The following FAM151B variants were observed in gnomAD, a reference collection of about 807,000 sequenced individuals.
FAM151B encodes family with sequence similarity 151 member B, also known as protein FAM151B.
In FAM151B, 24 loss-of-function variants were observed where a neutral mutation model predicts 31.2. That is an observed-to-expected ratio of 0.77 (90% CI 0.56 to 1.08). The LOEUF (loss-of-function observed/expected upper bound fraction) is 1.08. Among genes scored for constraint, FAM151B ranks in the 50% least tolerant of loss-of-function variants. The probability of loss-of-function intolerance (pLI) is 0.00; values close to 1 mark genes in which losing one functional copy is unlikely to be tolerated. For synonymous variants in FAM151B, 105 were observed against 111.4 expected (o/e 0.94, Z 0.36); for missense variants, 293 against 328.6 (o/e 0.89, Z 0.84).
intron 4 of FAM151B, among the ~76,000 whole-genome samples, chr5:80,520,290 T>G (rs1744642309): frequency 6.6e-6 from 1 of 152,184 alleles, no homozygotes; most frequent in South Asian, 2.1e-4. Context: ...AAAATGTTCC[T>G]TTACTGACTG....
chr5:80,538,564 CCT>C (rs1745709097), intron 5 of FAM151B, among the ~76,000 whole-genome samples: 2 of 123,550 alleles, frequency 1.6e-5, no homozygotes, highest in Non-Finnish European at 3.3e-5. Context: ...TTCCTTCCTT[CCT>C]TCCTTCCCTC....
chr5:80,488,253 C>G, intron 1 of FAM151B, 105 bp downstream of exon 1: 1 of 1,362,798 alleles, frequency 7.3e-7, no homozygotes, highest in South Asian at 1.4e-5. Flanking sequence ...TTGCTAGGGA[C>G]CTGGGAGCGC....
At chr5:80,507,897 C>A (rs1744034071) in intron 2 of FAM151B, among the ~76,000 whole-genome samples, 2 of 152,174 alleles carry the variant, frequency 1.3e-5, no homozygotes, top group Admixed American at 6.6e-5. Context: ...CACACACATT[C>A]TTTCCTGGAA....
intron 2 of FAM151B, among the ~76,000 whole-genome samples, chr5:80,502,989 A>G (rs1333699930): frequency 2.0e-5 from 3 of 152,218 alleles, no homozygotes; most frequent in Admixed American, 1.3e-4. Flanking sequence ...TAAGGAGTCA[A>G]TGCTAATGAG....
chr5:80,510,223 T>C (rs1391493770), intron 2 of FAM151B, among the ~76,000 whole-genome samples: 2 of 152,224 alleles, frequency 1.3e-5, no homozygotes, highest in African/African-American at 4.8e-5. Flanking sequence ...TTCATGTAGC[T>C]GCATTCAGCT....
chr5:80,538,110 C>A (rs1159498714), intron 5 of FAM151B, among the ~76,000 whole-genome samples: 2 of 150,458 alleles, frequency 1.3e-5, no homozygotes, highest in African/African-American at 4.9e-5. Flanking sequence ...ACTCTGTCAC[C>A]AGGCTGGAGT....
intron 2 of FAM151B, among the ~76,000 whole-genome samples, chr5:80,508,879 G>A (rs903771676): frequency 2.6e-5 from 4 of 152,080 alleles, no homozygotes; most frequent in African/African-American, 9.7e-5. Context: ...GCTTAATAAA[G>A]GGTCATATGG....
intron 2 of FAM151B, among the ~76,000 whole-genome samples, chr5:80,505,457 C>G (rs192326077): frequency 1.6e-4 from 24 of 150,854 alleles, no homozygotes; most frequent in East Asian, 1.4e-3. Context: ...TGCAGTGGCA[C>G]GATCTCGGCT....
At chr5:80,527,069 A>G (rs904574598) in intron 5 of FAM151B, among the ~76,000 whole-genome samples, 4 of 152,174 alleles carry the variant, frequency 2.6e-5, no homozygotes, top group Admixed American at 6.5e-5. Context: ...GTATTCTGCA[A>G]AGATCCTGCA....
chr5:80,520,776 A>C (rs937904624), intron 4 of FAM151B, among the ~76,000 whole-genome samples: 5 of 147,994 alleles, frequency 3.4e-5, no homozygotes, highest in African/African-American at 1.2e-4. Context: ...CTTTTTTTTC[A>C]AGCTATTTAG....
At chr5:80,520,683 T>A (rs1744662260) in intron 4 of FAM151B, among the ~76,000 whole-genome samples, 2 of 142,090 alleles carry the variant, frequency 1.4e-5, no homozygotes. Flanking sequence ...TATATATGTG[T>A]GTGTATATAT....
At chr5:80,501,945 A>G in intron 2 of FAM151B, 28 bp downstream of exon 2, 1 of 1,521,946 alleles carries the variant, frequency 6.6e-7, no homozygotes, top group East Asian at 2.4e-5. Context: ...CTTGTAATTT[A>G]CTTTGGATAA....
chr5:80,534,352 C>T (rs56806312), intron 5 of FAM151B, among the ~76,000 whole-genome samples: 80,210 of 151,640 alleles, frequency 0.53, 21,511 homozygotes, highest in East Asian at 0.61. Flanking sequence ...ATGCAAAAAT[C>T]CTTGGCAAAA....
At chr5:80,522,819 A>C (rs774314351) in intron 5 of FAM151B, among the ~76,000 whole-genome samples, 3 of 152,174 alleles carry the variant, frequency 2.0e-5, no homozygotes, top group Non-Finnish European at 2.9e-5. Context: ...GTATGTAATA[A>C]AAATTAGTTG....
At chr5:80,511,818 G>T (rs1192169332) in intron 2 of FAM151B, among the ~76,000 whole-genome samples, 1 of 152,090 alleles carries the variant, frequency 6.6e-6, no homozygotes, top group African/African-American at 2.4e-5. Flanking sequence ...TGTTGGCCAG[G>T]TTGGTCTCAA....
At chr5:80,513,936 T>G (rs1038365973) in intron 3 of FAM151B, among the ~76,000 whole-genome samples, 167 bp downstream of exon 3, 1 of 152,100 alleles carries the variant, frequency 6.6e-6, no homozygotes, top group Non-Finnish European at 1.5e-5. Flanking sequence ...ACTAAAATTG[T>G]TTTTTGGAGA....
In FAM151B at chr5:80,494,443, T is replaced by TTTTTTTC. The variant is rs1554055445; in HGVS notation, c.25+6298_25+6299insTTTCTTT. Among the ~76,000 whole-genome samples, 12 of 84,462 alleles carry TTTTTTTC rather than the reference T, an allele frequency of 1.4e-4. 1 individual carries two copies. The highest frequency in any genetic ancestry group is 7.9e-5 in the Non-Finnish European group (3 of 38,192). The allele number at this position is 84,462 out of a possible 152,430, so 55.4% of individuals were successfully genotyped here. A position where few individuals can be genotyped will look rare whatever the true frequency, so the allele number is the denominator to read the frequency against. Reference sequence around the variant, plus strand: ...TTTCTTTCTTTCTGTCTTTCTTTCTTTTTCTTTCTTTCTTTTCTTTCTTTC... The same window carrying TTTTTTTC: ...TTTCTTTCTTTCTGTCTTTCTTTCTTTTTTTTCTTTCTTTCTTTCTTTTCTTTCTTTC... On this transcript the variant is annotated intron_variant, in intron 1 of 5. Transcript: ENST00000282226.
rs182943549 is a variant in FAM151B at position 80,536,231 on chromosome 5, C to T, written c.672-5442C>T. Among the ~76,000 whole-genome samples, 792 of 152,124 alleles carry T rather than the reference C, an allele frequency of 5.2e-3. 5 individuals carry two copies. Among genetic ancestry groups the T allele is most frequent in the African/African-American group, 0.018 (745 of 41,474 alleles). ...GGTTGCCCAGGCTGGAGTGCAATGG[C>T]GTGATCTCGGCTCACTGCAACCTCC... On this transcript the variant is annotated intron_variant, in intron 5 of 5. Coordinates refer to ENST00000282226, the MANE Select transcript of FAM151B (RefSeq NM_205548.3).
intron 5 of FAM151B, among the ~76,000 whole-genome samples, chr5:80,527,265 A>C (rs542187067): frequency 6.6e-6 from 1 of 152,086 alleles, no homozygotes; most frequent in Non-Finnish European, 1.5e-5. Context: ...TCTACTAAAA[A>C]TACAAAAATT....
Sources: gnomAD v4.1 joint callset for allele counts (sites outside exome capture counted in the v4.1 genomes callset) on GRCh38, gnomAD v4.1.1 for gene constraint, MANE v1.5 for transcripts, NCBI Gene and HGNC (gene_info 2026-07-23, HGNC 2026-07-21) for gene names.